RBFOX1: variants seen among roughly 807,000 people sequenced by gnomAD.
The protein encoded by RBFOX1 is RNA binding protein fox-1 homolog 1.
A neutral mutation model predicts 57.7 loss-of-function variants in RBFOX1; 8 were observed. That is an observed-to-expected ratio of 0.14 (90% CI 0.08 to 0.25). The LOEUF (loss-of-function observed/expected upper bound fraction) is 0.25. Among genes scored for constraint, RBFOX1 ranks in the 10% least tolerant of loss-of-function variants. The pLI, the probability that RBFOX1 is intolerant of heterozygous loss-of-function variation, is 1.00. For missense variants in RBFOX1, 611 were observed against 548.5 expected (o/e 1.11, Z -1.14); for synonymous variants, 326 against 222.4 (o/e 1.47, Z -4.15).
At chr16:7,116,714 G>A (rs545987970) in intron 4 of RBFOX1, among the ~76,000 whole-genome samples, 72 of 152,270 alleles carry the variant, frequency 4.7e-4, no homozygotes, top group South Asian at 4.1e-3. Context: ...GTTAAGGTAC[G>A]TGGAGACAGA....
chr16:7,435,514 T>TA (rs1434161387), intron 4 of RBFOX1, among the ~76,000 whole-genome samples: 1 of 152,178 alleles, frequency 6.6e-6, no homozygotes, highest in Non-Finnish European at 1.5e-5. Context: ...AGTTGACACT[T>TA]ACGGGTGAGG....
intron 3 of RBFOX1, among the ~76,000 whole-genome samples, chr16:7,044,075 C>G (rs1403721588): frequency 6.6e-6 from 1 of 152,102 alleles, no homozygotes; most frequent in Non-Finnish European, 1.5e-5. Flanking sequence ...TTTTCCCCAC[C>G]TAGACAATAG....
chr16:6,615,452 C>T (rs375510654), intron 2 of RBFOX1, among the ~76,000 whole-genome samples: 1 of 152,026 alleles, frequency 6.6e-6, no homozygotes, highest in East Asian at 1.9e-4. Context: ...TGCCTGTAAT[C>T]CCAACTACTT....
At chr16:7,114,794 G>A (rs1200931025) in intron 4 of RBFOX1, among the ~76,000 whole-genome samples, 1 of 152,130 alleles carries the variant, frequency 6.6e-6, no homozygotes, top group Non-Finnish European at 1.5e-5. Context: ...CTAACTCGTT[G>A]TCCTAAGTTT....
At chr16:6,602,901 C>G (rs1335116803) in intron 2 of RBFOX1, among the ~76,000 whole-genome samples, 2 of 152,158 alleles carry the variant, frequency 1.3e-5, no homozygotes, top group Admixed American at 6.5e-5. Flanking sequence ...AAGACTCTTT[C>G]CCAAATCCTG....
chr16:6,304,601 T>A (rs976556984), intron 1 of RBFOX1, among the ~76,000 whole-genome samples: 13 of 152,020 alleles, frequency 8.6e-5, no homozygotes, highest in Admixed American at 2.0e-4. Flanking sequence ...GCTGTGTTGG[T>A]GACCAGCATG....
At chr16:7,628,610 T>C (rs1203980052) in intron 10 of RBFOX1, among the ~76,000 whole-genome samples, 1 of 152,080 alleles carries the variant, frequency 6.6e-6, no homozygotes, top group Non-Finnish European at 1.5e-5. Context: ...TCTCATACGT[T>C]GTGATAAACT....
intron 2 of RBFOX1, among the ~76,000 whole-genome samples, chr16:6,599,038 A>G (rs946008750): frequency 2.0e-5 from 3 of 152,194 alleles, no homozygotes; most frequent in Non-Finnish European, 4.4e-5. Flanking sequence ...CATAATGTGA[A>G]TAATGGTTTT....
At chr16:7,331,535 A>G (rs190581440) in intron 4 of RBFOX1, among the ~76,000 whole-genome samples, 5 of 152,330 alleles carry the variant, frequency 3.3e-5, no homozygotes, top group East Asian at 1.9e-4. Context: ...AAAGCCTTCA[A>G]TCTGAAACCA....
intron 14 of RBFOX1, among the ~76,000 whole-genome samples, chr16:7,698,012 A>G (rs1050619130): frequency 5.9e-5 from 9 of 152,138 alleles, no homozygotes; most frequent in East Asian, 5.8e-4. Context: ...CAGGTCAGGA[A>G]GCATGTTGCG....
At chr16:6,931,136 A>G (rs2076436903) in intron 3 of RBFOX1, among the ~76,000 whole-genome samples, 2 of 152,144 alleles carry the variant, frequency 1.3e-5, no homozygotes. Context: ...TGTAGTTTTA[A>G]GAAAAATTCA....
chr16:7,292,133 G>T (rs1439151025), intron 4 of RBFOX1, among the ~76,000 whole-genome samples: 2 of 80,894 alleles, frequency 2.5e-5, no homozygotes, highest in Non-Finnish European at 4.7e-5. Flanking sequence ...AATATATAAT[G>T]TATTACGTAT....
At chr16:5,257,025 A>G (rs1385196308) in intron 1 of RBFOX1, among the ~76,000 whole-genome samples, 1 of 152,114 alleles carries the variant, frequency 6.6e-6, no homozygotes, top group East Asian at 1.9e-4. Context: ...GATTTTACAC[A>G]CAGGGAAATC....
chr16:6,231,835 T>TG (rs1418089232), intron 1 of RBFOX1, among the ~76,000 whole-genome samples: 17 of 24,054 alleles, frequency 7.1e-4, no homozygotes, highest in Admixed American at 1.6e-3. Context: ...TTTCCAGTTT[T>TG]TTTTTTTTTT....
intron 3 of RBFOX1, among the ~76,000 whole-genome samples, chr16:6,957,964 C>G (rs931263011): frequency 2.6e-5 from 4 of 152,096 alleles, no homozygotes; most frequent in South Asian, 2.1e-4. Context: ...CCAGCATATT[C>G]TCTTGGTTAC....
At chr16:7,374,787 C>T (rs74010683) in intron 4 of RBFOX1, among the ~76,000 whole-genome samples, 8 of 152,162 alleles carry the variant, frequency 5.3e-5, no homozygotes, top group Non-Finnish European at 7.3e-5. Flanking sequence ...ATCCTGGCAA[C>T]CTAGAGTTAC....
intron 1 of RBFOX1, among the ~76,000 whole-genome samples, chr16:5,388,974 G>A (rs1407758472): frequency 2.0e-5 from 3 of 151,386 alleles, no homozygotes; most frequent in African/African-American, 4.8e-5. Context: ...GGCAGATCAC[G>A]AGGTCAGGAG....
intron 12 of RBFOX1, among the ~76,000 whole-genome samples, chr16:7,661,543 C>T (rs530793642): frequency 1.3e-5 from 2 of 152,316 alleles, no homozygotes; most frequent in East Asian, 1.9e-4. Flanking sequence ...TGCCTCCTTC[C>T]GTTCCACATT....
intron 4 of RBFOX1, among the ~76,000 whole-genome samples, chr16:5,898,240 A>C (rs913906373): frequency 2.0e-5 from 3 of 151,958 alleles, no homozygotes; most frequent in Non-Finnish European, 2.9e-5. Context: ...TGATTAAATT[A>C]CCTCCTACCA....
Sources: gnomAD v4.1 joint callset for allele counts (sites outside exome capture counted in the v4.1 genomes callset) on GRCh38, gnomAD v4.1.1 for gene constraint, MANE v1.5 for transcripts, NCBI Gene and HGNC (gene_info 2026-07-23, HGNC 2026-07-21) for gene names.